The following IL1RAPL2 variants were observed in gnomAD, a reference collection of about 807,000 sequenced individuals.
The protein encoded by IL1RAPL2 is interleukin 1 receptor accessory protein like 2, also known as X-linked interleukin-1 receptor accessory protein-like 2.
IL1RAPL2 carries 3 observed loss-of-function variants against 44.1 expected under a neutral mutation model. The ratio of observed to expected loss-of-function variants is 0.07; its 90% CI spans 0.03 to 0.18. The LOEUF (loss-of-function observed/expected upper bound fraction) is 0.18, where lower values mean the gene tolerates loss of function less well. IL1RAPL2 is among the 10% of genes least tolerant of loss of function. The pLI is 1.00. For missense variants in IL1RAPL2, 391 were observed against 496.4 expected, an observed-to-expected ratio of 0.79 and a Z score of 2.02; for synonymous variants, 181 against 178.8, an observed-to-expected ratio of 1.01 and a Z score of -0.10.
At chrX:104,622,139 A>G (rs977401153) in intron 1 of IL1RAPL2, among the ~76,000 whole-genome samples, 2 of 109,997 alleles carry the variant, frequency 1.8e-5, no homozygotes, top group Admixed American at 2.0e-4. Flanking sequence ...CATTTTGAAG[A>G]AATTCCTTTA....
intron 6 of IL1RAPL2, among the ~76,000 whole-genome samples, chrX:105,592,322 T>C (rs1049201506): frequency 2.0e-4 from 22 of 111,977 alleles, no homozygotes; most frequent in African/African-American, 2.6e-4. Context: ...ATGGGTGTCA[T>C]TGCCTGTGAG....
chrX:104,688,290 TAA>T (rs1931024339), intron 2 of IL1RAPL2, among the ~76,000 whole-genome samples: 1 of 112,236 alleles, frequency 8.9e-6, no homozygotes, highest in Non-Finnish European at 1.9e-5. Flanking sequence ...TTGTGTTCAA[TAA>T]AGTTAAAGGG....
At chrX:105,281,910 C>A (rs977058757) in intron 5 of IL1RAPL2, among the ~76,000 whole-genome samples, 2 of 111,037 alleles carry the variant, frequency 1.8e-5, no homozygotes, top group African/African-American at 6.6e-5. Context: ...CATTTCATGA[C>A]AAGAAAGCAG....
intron 5 of IL1RAPL2, among the ~76,000 whole-genome samples, chrX:105,426,512 C>T (rs960083416): frequency 2.7e-5 from 3 of 111,327 alleles, no homozygotes; most frequent in African/African-American, 9.8e-5. Flanking sequence ...AGCCCCTATT[C>T]TACTCCTTGT....
chrX:104,842,375 T>C (rs758665519), intron 2 of IL1RAPL2, among the ~76,000 whole-genome samples: 46 of 111,199 alleles, frequency 4.1e-4, no homozygotes, highest in African/African-American at 1.5e-3. Flanking sequence ...ACCCACCATC[T>C]GAAGCCTACT....
At chrX:104,573,916 G>A (rs1267290679) in intron 1 of IL1RAPL2, among the ~76,000 whole-genome samples, 2 of 111,072 alleles carry the variant, frequency 1.8e-5, no homozygotes, top group African/African-American at 6.5e-5. Flanking sequence ...TCATTGAGGG[G>A]AAATTTAATA....
intron 4 of IL1RAPL2, among the ~76,000 whole-genome samples, chrX:105,246,870 A>C (rs2034223886): frequency 1.8e-5 from 2 of 111,098 alleles, no homozygotes; most frequent in South Asian, 7.6e-4. Flanking sequence ...ATAATATGGC[A>C]CATCAAAGTG....
At chrX:104,620,930 TTATA>T (rs1172114413) in intron 1 of IL1RAPL2, among the ~76,000 whole-genome samples, 2 of 103,261 alleles carry the variant, frequency 1.9e-5, no homozygotes, top group Non-Finnish European at 3.9e-5. Context: ...ATTCTATAAT[TTATA>T]TAATAATATA....
At chrX:104,828,485 C>T (rs1379522570) in intron 2 of IL1RAPL2, among the ~76,000 whole-genome samples, 1 of 109,233 alleles carries the variant, frequency 9.2e-6, no homozygotes, top group African/African-American at 3.6e-5. Flanking sequence ...GTTGCTGCCT[C>T]CTCCTTCCTC....
intron 3 of IL1RAPL2, among the ~76,000 whole-genome samples, chrX:105,228,790 C>T (rs1331701655): frequency 8.9e-6 from 1 of 111,987 alleles, no homozygotes; most frequent in East Asian, 2.8e-4. Context: ...CAGGGGCTAG[C>T]AGCCAATAAA....
chrX:105,224,397 A>G (rs888670957), intron 3 of IL1RAPL2, among the ~76,000 whole-genome samples: 3 of 111,711 alleles, frequency 2.7e-5, no homozygotes, highest in Non-Finnish European at 5.6e-5. Flanking sequence ...ATGGTGAGGC[A>G]GGTGCCAGAT....
intron 2 of IL1RAPL2, among the ~76,000 whole-genome samples, chrX:105,031,539 A>T (rs181119294): frequency 5.4e-5 from 6 of 111,905 alleles, no homozygotes; most frequent in African/African-American, 2.0e-4. Context: ...TATATGCTGG[A>T]TTACATTTAT....
intron 2 of IL1RAPL2, among the ~76,000 whole-genome samples, chrX:104,806,451 G>A (rs1470671135): frequency 8.9e-6 from 1 of 112,570 alleles, no homozygotes; most frequent in Non-Finnish European, 1.9e-5. Context: ...AGAGGTCAAC[G>A]GGAAAAACTA....
At chrX:104,589,185 A>G (rs5962956) in intron 1 of IL1RAPL2, among the ~76,000 whole-genome samples, 18,140 of 111,183 alleles carry the variant, frequency 0.16, 3,736 homozygotes, top group African/African-American at 0.57. Context: ...TAGGCTCTGC[A>G]TATAAAGGGG....
At chrX:104,983,731 C>CAT (rs202202018) in intron 2 of IL1RAPL2, among the ~76,000 whole-genome samples, 1,117 of 100,214 alleles carry the variant, frequency 0.011, 20 homozygotes, top group African/African-American at 0.037. Flanking sequence ...CATAATATTT[C>CAT]ATATATATAT....
At chrX:105,346,759 T>A (rs1305926659) in intron 5 of IL1RAPL2, among the ~76,000 whole-genome samples, 1 of 111,706 alleles carries the variant, frequency 9.0e-6, no homozygotes, top group African/African-American at 3.3e-5. Flanking sequence ...AGAAGCAGCT[T>A]AAGTATTAAG....
At chrX:104,637,907 T>C (rs963932420) in intron 1 of IL1RAPL2, among the ~76,000 whole-genome samples, 1 of 110,763 alleles carries the variant, frequency 9.0e-6, no homozygotes, top group Non-Finnish European at 1.9e-5. Flanking sequence ...TATTCCTTCC[T>C]CTTTAATTTT....
At chrX:104,643,096 G>A (rs956015257) in intron 1 of IL1RAPL2, among the ~76,000 whole-genome samples, 1 of 111,990 alleles carries the variant, frequency 8.9e-6, no homozygotes, top group Non-Finnish European at 1.9e-5. Context: ...GTGTTTTGCT[G>A]CAGGCTTTCT....
At chrX:104,773,848 T>C (rs1380264174) in intron 2 of IL1RAPL2, among the ~76,000 whole-genome samples, 1 of 111,939 alleles carries the variant, frequency 8.9e-6, no homozygotes, top group Non-Finnish European at 1.9e-5. Flanking sequence ...CAATAACTTA[T>C]CGTTTTGCTT....
Sources: allele counts gnomAD v4.1 joint callset (sites outside exome capture counted in the v4.1 genomes callset), GRCh38; gene constraint gnomAD v4.1.1; transcripts MANE v1.5; gene names NCBI Gene and HGNC (gene_info 2026-07-23, HGNC 2026-07-21).